Variants in CSE1L observed in about 807,000 individuals in gnomAD.
CSE1L encodes the protein chromosome segregation 1 like.
A neutral mutation model predicts 120.4 loss-of-function variants in CSE1L; 24 were observed. The ratio of observed to expected loss-of-function variants is 0.20; its 90% CI spans 0.14 to 0.28. The LOEUF is 0.28. Ranked by LOEUF, CSE1L falls within the 10% of genes least tolerant of loss-of-function variation. The pLI is 1.00. For missense variants in CSE1L, 830 were observed against 1,145.2 expected, an observed-to-expected ratio of 0.72 and a Z score of 3.97; for synonymous variants, 402 against 398.3, an observed-to-expected ratio of 1.01 and a Z score of -0.11.
At chr20:49,085,561 A>ATTTTT (rs1568783976) in intron 16 of CSE1L, among the ~76,000 whole-genome samples, 175 bp downstream of exon 16, 1 of 63,408 alleles carries the variant, frequency 1.6e-5, no homozygotes, top group Non-Finnish European at 3.3e-5. Flanking sequence ...TACTAACAAT[A>ATTTTT]ATTTTTTTTT....
intron 13 of CSE1L, 40 bp downstream of exon 13, chr20:49,077,104 A>T: frequency 1.6e-6 from 2 of 1,212,770 alleles, no homozygotes; most frequent in Non-Finnish European, 2.4e-6. Flanking sequence ...AGCTTGCCAC[A>T]CTATACCTGA....
chr20:49,086,887 A>T (rs187255793), intron 16 of CSE1L, among the ~76,000 whole-genome samples: 248 of 152,228 alleles, frequency 1.6e-3, no homozygotes, highest in Non-Finnish European at 2.4e-3. Context: ...CTAAGCTGAG[A>T]TATGACCTAA....
At chr20:49,076,310 C>T (rs1019175883) in intron 12 of CSE1L, among the ~76,000 whole-genome samples, 11 of 152,182 alleles carry the variant, frequency 7.2e-5, no homozygotes, top group Admixed American at 3.3e-4. Flanking sequence ...GCCTCAGCCT[C>T]CCGAGTAGCT....
In CSE1L at chr20:49,094,939, G is replaced by C. The variant is rs1459792470; in HGVS notation, c.2802G>C (p.Lys934Asn). ...TTCACCTGGCACAGTCACTTCACAA[G>C]TTGTCTACCGCCTGTCCAGGAAGGG... ...PKIHLAQSLH[K>N]LSTACPGRVP... The change falls in exon 24 of 25, where the codon AAG becomes AAC. Residue 934 changes from lysine to asparagine, a missense_variant. Around this residue, in one of 4 missense-constraint regions of CSE1L, gnomAD observed 112 missense variants for 200.0 expected, o/e 0.56. Coordinates refer to ENST00000262982, the MANE Select transcript of CSE1L (RefSeq NM_001316.4). The C allele has an allele frequency of 6.2e-7, 1 of 1,613,986 alleles. No homozygotes were observed. Among genetic ancestry groups the C allele is most frequent in the African/African-American group, 1.3e-5 (1 of 74,934 alleles).
chr20:49,059,342 G>C (rs2091834168), intron 2 of CSE1L, among the ~76,000 whole-genome samples: 1 of 151,568 alleles, frequency 6.6e-6, no homozygotes, highest in Non-Finnish European at 1.5e-5. Context: ...TAAAAACGTA[G>C]AATTAAAATA....
At chr20:49,053,048 G>C (rs372073158) in intron 1 of CSE1L, among the ~76,000 whole-genome samples, 1 of 152,186 alleles carries the variant, frequency 6.6e-6, no homozygotes, top group South Asian at 2.1e-4. Context: ...GGTGGCATAT[G>C]CCTGTAGTCC....
chr20:49,071,798 T>TAA (rs879530890), intron 8 of CSE1L, among the ~76,000 whole-genome samples: 1 of 144,168 alleles, frequency 6.9e-6, no homozygotes, highest in African/African-American at 2.5e-5. Flanking sequence ...CCGTCTCTAC[T>TAA]AAAAAAAAAA....
intron 21 of CSE1L, 83 bp from the exon 22 acceptor site, chr20:49,091,963 C>G (rs951863832): frequency 2.3e-5 from 17 of 731,678 alleles, no homozygotes; most frequent in African/African-American, 9.0e-5. Flanking sequence ...AATGATTAAG[C>G]ATAGGTTTAT....
intron 1 of CSE1L, among the ~76,000 whole-genome samples, chr20:49,052,857 G>A (rs1227643021): frequency 6.6e-6 from 1 of 152,170 alleles, no homozygotes; most frequent in Non-Finnish European, 1.5e-5. Flanking sequence ...AAAATGCTGG[G>A]CTAACAGGCG....
In CSE1L at chr20:49,084,052, G is replaced by A. The variant is rs769403347; in HGVS notation, c.1509G>A (p.Ser503=). The A allele has an allele frequency of 2.6e-5, 42 of 1,613,432 alleles. No homozygotes were observed. In the Admixed American group the frequency reaches 2.8e-4, roughly 11 times the overall value. ...NQVPKEHLLV[S]IPLLINHLQA... ...TGCCAAAAGAACATCTTTTAGTCTC[G>A]ATTCCTCTCTTGATTAATCATCTTC... The change falls in exon 15 of 25, where the codon TCG becomes TCA. Residue 503 remains serine (S), a synonymous_variant. Coordinates refer to ENST00000262982, the MANE Select transcript of CSE1L (RefSeq NM_001316.4).
At chr20:49,068,073 A>G (rs1252136197) in intron 6 of CSE1L, among the ~76,000 whole-genome samples, 1 of 151,666 alleles carries the variant, frequency 6.6e-6, no homozygotes, top group African/African-American at 2.4e-5. Flanking sequence ...TGTTAATCGC[A>G]TTTAGAATAA....
chr20:49,065,251 C>A (rs181544755), intron 3 of CSE1L, among the ~76,000 whole-genome samples: 6 of 145,638 alleles, frequency 4.1e-5, no homozygotes, highest in African/African-American at 1.5e-4. Flanking sequence ...GATTAAGTAG[C>A]ATATATCTGT....
At chr20:49,061,167 A>ATTT (rs3092068) in intron 2 of CSE1L, among the ~76,000 whole-genome samples, 245 of 116,280 alleles carry the variant, frequency 2.1e-3, no homozygotes, top group East Asian at 4.2e-3. Context: ...ACTATTAAAA[A>ATTT]TTTTTTTTTT....
chr20:49,074,602 C>T (rs1443071704), intron 10 of CSE1L, among the ~76,000 whole-genome samples, 183 bp from the exon 11 acceptor site: 2 of 152,086 alleles, frequency 1.3e-5, no homozygotes, highest in African/African-American at 4.8e-5. Context: ...TACCTAATAC[C>T]TCACCTTTCA....
chr20:49,069,141 G>A (rs769596792), intron 7 of CSE1L, among the ~76,000 whole-genome samples: 2 of 152,042 alleles, frequency 1.3e-5, no homozygotes, highest in African/African-American at 2.4e-5. Flanking sequence ...TTCCTCTTTC[G>A]TTCATTTATA....
chr20:49,052,816 G>A (rs868708097), intron 1 of CSE1L, among the ~76,000 whole-genome samples: 2 of 152,112 alleles, frequency 1.3e-5, no homozygotes, highest in African/African-American at 2.4e-5. Flanking sequence ...GTCTGAAGCC[G>A]GCTGAAGCAA....
chr20:49,062,750 T>C (rs777114048), intron 2 of CSE1L, among the ~76,000 whole-genome samples: 29 of 151,978 alleles, frequency 1.9e-4, no homozygotes, highest in Middle Eastern at 3.4e-3. Flanking sequence ...TATATGTAAA[T>C]CGTTGGACCC....
chr20:49,053,897 C>T (rs895022527), intron 1 of CSE1L, among the ~76,000 whole-genome samples: 4 of 152,098 alleles, frequency 2.6e-5, no homozygotes, highest in African/African-American at 9.7e-5. Context: ...GCCATGTTGC[C>T]CAGGCAGGTC....
chr20:49,085,447 ACT>A, intron 16 of CSE1L, 61 bp downstream of exon 16: 1 of 1,182,250 alleles, frequency 8.5e-7, no homozygotes, highest in East Asian at 2.3e-5. Flanking sequence ...AAGGGTGAGC[ACT>A]CTGAGTTATA....
Sources: gnomAD v4.1 joint callset for allele counts (sites outside exome capture counted in the v4.1 genomes callset) on GRCh38, gnomAD v4.1.1 for gene constraint, gnomAD v4.1.1 regional missense constraint, MANE v1.5 for transcripts, NCBI Gene and HGNC (gene_info 2026-07-23, HGNC 2026-07-21) for gene names.